The following BNC2 variants were observed in gnomAD, a reference collection of about 807,000 sequenced individuals.
The protein encoded by BNC2 is zinc finger protein basonuclin-2.
In BNC2, 20 loss-of-function variants were observed where a neutral mutation model predicts 76.3. The observed-to-expected ratio is 0.26, with a 90% CI of 0.18 to 0.38. The LOEUF is 0.38. BNC2 is among the 10% of genes least tolerant of loss of function. BNC2 has a pLI of 1.00. For synonymous variants in BNC2, 582 were observed against 514.8 expected (o/e 1.13, Z -1.77); for missense variants, 1,382 against 1,399.8 (o/e 0.99, Z 0.20).
intron 1 of BNC2, among the ~76,000 whole-genome samples, chr9:16,748,057 C>A (rs1156642334): frequency 6.6e-6 from 1 of 151,854 alleles, no homozygotes; most frequent in East Asian, 1.9e-4. Flanking sequence ...CATCTCCAAA[C>A]AAAACATGAG....
At chr9:16,869,078 C>G (rs1359380261) in intron 1 of BNC2, among the ~76,000 whole-genome samples, 3 of 151,924 alleles carry the variant, frequency 2.0e-5, no homozygotes, top group Non-Finnish European at 4.4e-5. Context: ...AAAAATAATA[C>G]CTGCCACCGG....
At chr9:16,804,489 A>T (rs1027857209) in intron 1 of BNC2, among the ~76,000 whole-genome samples, 2 of 152,212 alleles carry the variant, frequency 1.3e-5, no homozygotes, top group African/African-American at 4.8e-5. Flanking sequence ...ACAAGCACAT[A>T]TGCTGGACAT....
At chr9:16,815,087 C>G (rs1818149644) in intron 1 of BNC2, among the ~76,000 whole-genome samples, 2 of 152,114 alleles carry the variant, frequency 1.3e-5, no homozygotes, top group South Asian at 4.1e-4. Flanking sequence ...GACTTACACT[C>G]GTTTGACCAG....
intron 1 of BNC2, among the ~76,000 whole-genome samples, chr9:16,784,823 C>T (rs959781704): frequency 2.6e-5 from 4 of 152,240 alleles, no homozygotes; most frequent in Non-Finnish European, 4.4e-5. Flanking sequence ...CCTCCAACTG[C>T]GGAGCAATAA....
At chr9:16,808,317 T>C (rs1817961173) in intron 1 of BNC2, among the ~76,000 whole-genome samples, 1 of 152,048 alleles carries the variant, frequency 6.6e-6, no homozygotes, top group Admixed American at 6.6e-5. Flanking sequence ...TAAAATTTAT[T>C]TGACAAACAG....
intron 3 of BNC2, among the ~76,000 whole-genome samples, chr9:16,630,207 A>T (rs995919278): frequency 2.6e-5 from 4 of 152,230 alleles, no homozygotes; most frequent in African/African-American, 4.8e-5. Flanking sequence ...ATATAATTTT[A>T]AAAAAATATT....
chr9:16,766,179 T>C (rs1825688334), intron 1 of BNC2, among the ~76,000 whole-genome samples: 1 of 152,222 alleles, frequency 6.6e-6, no homozygotes, highest in African/African-American at 2.4e-5. Context: ...ATTTCTTCAC[T>C]TTTAGTGCTT....
At chr9:16,587,277 G>C (rs1164856753) in intron 3 of BNC2, among the ~76,000 whole-genome samples, 1 of 149,846 alleles carries the variant, frequency 6.7e-6, no homozygotes, top group Non-Finnish European at 1.5e-5. Flanking sequence ...ACAGTGGTGA[G>C]ATCATGGCTC....
chr9:16,605,638 A>G (rs1369349506), intron 3 of BNC2, among the ~76,000 whole-genome samples: 1 of 152,236 alleles, frequency 6.6e-6, no homozygotes, highest in East Asian at 1.9e-4. Context: ...CAAAGAAAGA[A>G]CTCAAAGTGA....
chr9:16,843,374 G>C (rs1408780448), intron 1 of BNC2, among the ~76,000 whole-genome samples: 1 of 152,214 alleles, frequency 6.6e-6, no homozygotes, highest in Non-Finnish European at 1.5e-5. Context: ...CTGTCGCCTA[G>C]GCTGGAGTGC....
chr9:16,847,561 T>C (rs1226059133), intron 1 of BNC2, among the ~76,000 whole-genome samples: 9 of 152,106 alleles, frequency 5.9e-5, no homozygotes, highest in Non-Finnish European at 1.5e-5. Flanking sequence ...GGTTTTTCAA[T>C]CAGGAATAGA....
chr9:16,493,074 T>C (rs1283035014), intron 5 of BNC2, among the ~76,000 whole-genome samples: 8 of 152,196 alleles, frequency 5.3e-5, no homozygotes, highest in Non-Finnish European at 1.0e-4. Context: ...AAAAATTTCA[T>C]AGAGGAAACT....
chr9:16,539,366 A>G (rs933204547), intron 5 of BNC2, among the ~76,000 whole-genome samples: 3 of 151,654 alleles, frequency 2.0e-5, no homozygotes, highest in African/African-American at 7.3e-5. Context: ...CAAAAAATTA[A>G]AAAGTGAAAA....
Position 16,712,370 on chromosome 9 carries a change from A to C in BNC2, c.330+15427T>G, listed in dbSNP as rs373122024. Among the ~76,000 whole-genome samples the C allele has an allele frequency of 7.1e-4, 108 of 152,324 alleles. 2 individuals carry two copies. In the South Asian group the frequency reaches 0.022, roughly 30 times the overall value. ...ACCTAAAGCCAAAAATGCTATTTCC[A>C]CATTTTTATATTTGTGGGAAATAAT... is the stretch of plus-strand genomic sequence containing the variant. On this transcript the variant is annotated intron_variant, in intron 3 of 6. Coordinates refer to ENST00000380672, the MANE Select transcript of BNC2 (RefSeq NM_017637.6).
intron 5 of BNC2, among the ~76,000 whole-genome samples, chr9:16,470,350 C>T (rs530999164): frequency 6.6e-6 from 1 of 152,124 alleles, no homozygotes; most frequent in African/African-American, 2.4e-5. Flanking sequence ...AATTTGCAGG[C>T]TGACTATGTG....
At chr9:16,557,169 A>G (rs946349194) in intron 4 of BNC2, among the ~76,000 whole-genome samples, 1 of 152,128 alleles carries the variant, frequency 6.6e-6, no homozygotes, top group African/African-American at 2.4e-5. Flanking sequence ...GGGCCTAACC[A>G]TCTGCTGATG....
At position 16,515,594 on chromosome 9, in the gene BNC2, G is replaced by A. The variant is rs780614858; in HGVS notation, c.669+36936C>T. On this transcript the variant is annotated intron_variant, in intron 5 of 6. Transcript: ENST00000380672. ...GGACTCGGAGGTGTCTGGAACGTCT[G>A]TCTCTAATCATAAACACCACAGCTG... 1.7e-4 allele frequency among the ~76,000 whole-genome samples: 26 copies of A among 151,868 alleles called. No individual in the cohort carries two copies. In the South Asian group the frequency reaches 1.9e-3, roughly 11 times the overall value.
At chr9:16,461,431 G>T (rs1927636) in intron 5 of BNC2, among the ~76,000 whole-genome samples, 2 of 152,024 alleles carry the variant, frequency 1.3e-5, no homozygotes, top group Non-Finnish European at 2.9e-5. Context: ...GTGATAAGAG[G>T]CAAATATCTT....
intron 3 of BNC2, among the ~76,000 whole-genome samples, chr9:16,670,912 T>C (rs997696537): frequency 6.6e-6 from 1 of 152,154 alleles, no homozygotes; most frequent in African/African-American, 2.4e-5. Flanking sequence ...ATGAACCAAC[T>C]TCCCCCACTG....
Sources: gnomAD v4.1 joint callset for allele counts (sites outside exome capture counted in the v4.1 genomes callset) on GRCh38, gnomAD v4.1.1 for gene constraint, MANE v1.5 for transcripts, NCBI Gene and HGNC (gene_info 2026-07-23, HGNC 2026-07-21) for gene names.